AGPAT3: variants seen among roughly 807,000 people sequenced by gnomAD.
AGPAT3 encodes 1-acylglycerol-3-phosphate O-acyltransferase 3.
AGPAT3 carries 5 observed loss-of-function variants against 47.3 expected under a neutral mutation model. That is an observed-to-expected ratio of 0.11 (90% CI 0.06 to 0.22). The LOEUF (loss-of-function observed/expected upper bound fraction) is 0.22, where lower values mean the gene tolerates loss of function less well. Among genes scored for constraint, AGPAT3 ranks in the 10% least tolerant of loss-of-function variants. The probability of loss-of-function intolerance (pLI) is 1.00; values close to 1 mark genes in which losing one functional copy is unlikely to be tolerated. For missense variants in AGPAT3, 315 were observed against 493.0 expected (o/e 0.64, Z 3.42); for synonymous variants, 212 against 208.3 (o/e 1.02, Z -0.15).
chr21:43,876,261 G>A (rs911121384), intron 1 of AGPAT3, among the ~76,000 whole-genome samples: 3 of 151,998 alleles, frequency 2.0e-5, no homozygotes, highest in Non-Finnish European at 4.4e-5. Context: ...TAATACCAAA[G>A]TAATACCGAT....
At position 43,985,649 on chromosome 21, in the gene AGPAT3, G is replaced by A. The variant is rs2030214250; in HGVS notation, c.*3257G>A. On this transcript the variant is annotated 3_prime_UTR_variant, in exon 10 of 10. Coordinates refer to ENST00000291572, the MANE Select transcript of AGPAT3 (RefSeq NM_020132.5). The stretch of plus-strand genomic sequence containing the variant: ...GACTACCGGTTGGGGTCAGATTTGG[G>A]GTGAAGAATGAGTAAGTTTCTGCAT... 4.8e-6 allele frequency: 1 copy of A among 210,444 alleles called. No individual in the cohort carries two copies. The highest frequency in any genetic ancestry group is 9.7e-6 in the Non-Finnish European group (1 of 103,380). The allele number at this position is 210,444 out of a possible 1,614,324, so 13.0% of individuals were successfully genotyped here. A position where few individuals can be genotyped will look rare whatever the true frequency, so the allele number is the denominator to read the frequency against.
chr21:43,930,647 G>A lies in AGPAT3; in HGVS notation c.-49+26628G>A, dbSNP rs1297148794. 2.0e-5 allele frequency among the ~76,000 whole-genome samples: 3 copies of A among 152,118 alleles called. No homozygotes were observed. Among genetic ancestry groups the A allele is most frequent in the East Asian group, 1.9e-4 (1 of 5,178 alleles). ...GTGAGGGTGGGTGGGTGTTTCTGTC[G>A]GGATGAGGGGAAGGCGGGGATGAGG... On this transcript the variant is annotated intron_variant, in intron 2 of 9. Coordinates refer to ENST00000291572, the MANE Select transcript of AGPAT3 (RefSeq NM_020132.5). The surrounding 1 kb of genome is among the most constrained non-coding windows in gnomAD (Gnocchi z 5.0).
In AGPAT3 at chr21:43,891,803, C is replaced by T. The variant is rs79043352; in HGVS notation, c.-111-12154C>T. ...GTCTTGAACTCCTCAAAGTCATCCA[C>T]GTAGCTTGGAATCAGCTTCTTCTAA... On this transcript the variant is annotated intron_variant, in intron 1 of 9. Coordinates refer to ENST00000291572, the MANE Select transcript of AGPAT3 (RefSeq NM_020132.5). Among the ~76,000 whole-genome samples the T allele has an allele frequency of 1.7e-3, 261 of 152,260 alleles. 4 individuals carry two copies. In the East Asian group the frequency reaches 0.047, roughly 27 times the overall value.
chr21:43,925,934 G>A lies in AGPAT3; in HGVS notation c.-49+21915G>A, dbSNP rs576302903. ...CCTCTCTGGTGTGGTGGCCGCCGGC[G>A]CCATGTAGCTGCCTGCCCAGGAGAA... is the stretch of plus-strand genomic sequence containing the variant. On this transcript the variant is annotated intron_variant, in intron 2 of 9. Transcript: ENST00000291572. 2.6e-5 allele frequency among the ~76,000 whole-genome samples: 4 copies of A among 152,374 alleles called. No individual in the cohort carries two copies. The South Asian group carries it at 6.2e-4, about 24-fold the overall frequency.
chr21:43,872,734 A>G (rs2085648403), intron 1 of AGPAT3, among the ~76,000 whole-genome samples: 1 of 152,150 alleles, frequency 6.6e-6, no homozygotes, highest in South Asian at 2.1e-4. Flanking sequence ...GCAGGGCTGT[A>G]TGGAAGTGTG....
At chr21:43,918,220 CGGTTGTGGG>C (rs2146161981) in intron 2 of AGPAT3, among the ~76,000 whole-genome samples, 1 of 138,782 alleles carries the variant, frequency 7.2e-6, no homozygotes, top group African/African-American at 2.7e-5. Context: ...GGTGTTGCGG[CGGTTGTGGG>C]TGTTGTGGGT....
intron 1 of AGPAT3, among the ~76,000 whole-genome samples, chr21:43,877,129 G>C (rs1331128696): frequency 6.6e-6 from 1 of 152,206 alleles, no homozygotes; most frequent in African/African-American, 2.4e-5. Context: ...GAAGTGCTGG[G>C]ATTACAGGTG....
intron 1 of AGPAT3, among the ~76,000 whole-genome samples, chr21:43,879,683 C>T (rs62228694): frequency 7.7e-4 from 117 of 152,284 alleles, no homozygotes; most frequent in Non-Finnish European, 1.5e-3. Context: ...CACAGTGGCA[C>T]GTGGACCTGC....
chr21:43,866,971 C>T (rs2085521319), intron 1 of AGPAT3, among the ~76,000 whole-genome samples: 1 of 152,238 alleles, frequency 6.6e-6, no homozygotes, highest in Non-Finnish European at 1.5e-5. Flanking sequence ...GGTGCTGCCC[C>T]GCCCCAGGCT....
At chr21:43,890,515 C>T (rs1306405620) in intron 1 of AGPAT3, among the ~76,000 whole-genome samples, 1 of 151,034 alleles carries the variant, frequency 6.6e-6, no homozygotes, top group South Asian at 2.1e-4. Context: ...TGGGCTCAAG[C>T]GATCCTCCCA....
intron 1 of AGPAT3, among the ~76,000 whole-genome samples, chr21:43,890,313 T>C (rs1418892438): frequency 1.3e-5 from 2 of 152,204 alleles, no homozygotes; most frequent in Non-Finnish European, 2.9e-5. Context: ...GATGGTAGAC[T>C]TCCAGAGGTG....
Position 43,954,921 on chromosome 21 carries a change from C to A in AGPAT3, c.-48-4713C>A. 1.3e-6 allele frequency: 1 copy of A among 775,506 alleles called. No individual in the cohort carries two copies. The highest frequency in any genetic ancestry group is 1.7e-6 in the Non-Finnish European group (1 of 596,614). The allele number at this position is 775,506 out of a possible 1,614,324, so 48.0% of individuals were successfully genotyped here. On this transcript the variant is annotated intron_variant, in intron 2 of 9. Transcript: ENST00000291572. This position sits in a 1 kb window ranked among gnomAD's most constrained non-coding sequence, Gnocchi z 4.0. ...GGAGTCTCTGCGTAGACTTTCTAGC[C>A]CAGAGGTTCAGGTGATGGACCAGAG...
Position 43,959,687 on chromosome 21 carries a change from C to T in AGPAT3, c.6C>T (p.Gly2=). 1.2e-6 allele frequency: 2 copies of T among 1,613,060 alleles called. No individual in the cohort carries two copies. Among genetic ancestry groups the T allele is most frequent in the Non-Finnish European group, 1.7e-6 (2 of 1,179,914 alleles). The change falls in exon 3 of 10, where the codon GGC becomes GGT. Residue 2 remains glycine (G), a synonymous_variant. Transcript: ENST00000291572. M[G]LLAFLKTQFV... ...ACCCGCTCCTGAGCAGCGCCATGGGCCTGCTGGCCTTCCTGAAGACCCAGT... is the reference window on the plus strand; with the variant it reads ...ACCCGCTCCTGAGCAGCGCCATGGGTCTGCTGGCCTTCCTGAAGACCCAGT...
chr21:43,875,496 C>G (rs1259577693), intron 1 of AGPAT3, among the ~76,000 whole-genome samples: 1 of 152,214 alleles, frequency 6.6e-6, no homozygotes, highest in Middle Eastern at 3.2e-3. Context: ...CACTTAAACT[C>G]TCGTTCATGT....
At position 43,984,576 on chromosome 21, in the gene AGPAT3, G is replaced by T. The variant is rs1030274827; in HGVS notation, c.*2184G>T. On this transcript the variant is annotated 3_prime_UTR_variant, in exon 10 of 10. Transcript: ENST00000291572. ...TTAGAGTGGAGACGGAGGCCCAGGC[G>T]CAGGGGTCACACCTCATCTGGTTTC... The T allele has an allele frequency of 1.3e-5, 2 of 155,206 alleles. No homozygotes were observed. The highest frequency in any genetic ancestry group is 4.8e-5 in the African/African-American group (2 of 41,364). 9.6% of individuals were successfully genotyped at this position (155,206 alleles called of 1,614,324 possible).
intron 1 of AGPAT3, among the ~76,000 whole-genome samples, chr21:43,871,377 C>T (rs1048127675): frequency 6.6e-5 from 10 of 152,166 alleles, no homozygotes; most frequent in Non-Finnish European, 1.3e-4. Flanking sequence ...CGTAACTCCA[C>T]GTGTCTTTAA....
At position 43,932,637 on chromosome 21, in the gene AGPAT3, C is replaced by T. The variant is rs1048532039; in HGVS notation, c.-48-26997C>T. Among the ~76,000 whole-genome samples the T allele has an allele frequency of 6.6e-6, 1 of 152,058 alleles. No individual in the cohort carries two copies. The highest frequency in any genetic ancestry group is 1.5e-5 in the Non-Finnish European group (1 of 68,032). ...AGATACATACCCAGAAGTGGGATTG[C>T]CGGACCTTATGGTAGTTCCTTTTGT... On this transcript the variant is annotated intron_variant, in intron 2 of 9. Coordinates refer to ENST00000291572, the MANE Select transcript of AGPAT3 (RefSeq NM_020132.5). The surrounding 1 kb of genome is among the most constrained non-coding windows in gnomAD (Gnocchi z 5.2).
In AGPAT3 at chr21:43,959,702, G is replaced by A; in HGVS notation, c.21G>A (p.Leu7=). 6.2e-7 allele frequency: 1 copy of A among 1,613,526 alleles called. No individual in the cohort carries two copies. The highest frequency in any genetic ancestry group is 2.2e-5 in the East Asian group (1 of 44,888). MGLLAF[L]KTQFVLHLLV... ...GCGCCATGGGCCTGCTGGCCTTCCT[G>A]AAGACCCAGTTCGTGCTGCACCTGC... is the stretch of plus-strand genomic sequence containing the variant. Residue 7 remains leucine (L), a synonymous_variant, in exon 3 of 10, where the codon CTG becomes CTA. Coordinates refer to ENST00000291572, the MANE Select transcript of AGPAT3 (RefSeq NM_020132.5).
At chr21:43,905,782 C>T (rs1227673413) in intron 2 of AGPAT3, among the ~76,000 whole-genome samples, 1 of 152,246 alleles carries the variant, frequency 6.6e-6, no homozygotes, top group Non-Finnish European at 1.5e-5. Flanking sequence ...GCTCTTCTGC[C>T]TGTCCTTTGG....
Sources: gnomAD v4.1 joint callset for allele counts (sites outside exome capture counted in the v4.1 genomes callset) on GRCh38, gnomAD v4.1.1 for gene constraint, Gnocchi (gnomAD v3.1) non-coding constraint, MANE v1.5 for transcripts, NCBI Gene and HGNC (gene_info 2026-07-23, HGNC 2026-07-21) for gene names.